The following FAM83G variants were observed in gnomAD, a reference collection of about 807,000 sequenced individuals.
FAM83G encodes the protein scaffolding CK1 anchoring protein G.
FAM83G carries 38 observed loss-of-function variants against 61.5 expected under a neutral mutation model. The ratio of observed to expected loss-of-function variants is 0.62; its 90% CI spans 0.48 to 0.81. The LOEUF (loss-of-function observed/expected upper bound fraction) is 0.81. FAM83G is among the 30% of genes least tolerant of loss of function. The probability of loss-of-function intolerance (pLI) is 0.00; values close to 1 mark genes in which losing one functional copy is unlikely to be tolerated. For missense variants in FAM83G, 989 were observed against 1,133.6 expected, an observed-to-expected ratio of 0.87 and a Z score of 1.83; for synonymous variants, 470 against 476.1, an observed-to-expected ratio of 0.99 and a Z score of 0.17.
rs144451471 is a variant in FAM83G at position 18,982,399 on chromosome 17, G to A, written c.691-2726C>T. 2.5e-3 allele frequency among the ~76,000 whole-genome samples: 375 copies of A among 152,350 alleles called. 2 individuals are homozygous for A. The highest frequency in any genetic ancestry group is 8.2e-3 in the African/African-American group (343 of 41,580). ...GTCTCAAGACTCTGGGCTCGTGTGC[G>A]CAGAGGTGGAGGATCCCACAAAGCT... On this transcript the variant is annotated intron_variant, in intron 3 of 5. Coordinates refer to ENST00000388995, the MANE Select transcript of FAM83G (RefSeq NM_001039999.3).
Position 19,004,115 on chromosome 17 carries a change from G to A in FAM83G, c.-74C>T. 6 of 1,441,230 alleles carry A rather than the reference G, an allele frequency of 4.2e-6. No individual in the cohort carries two copies. The highest frequency in any genetic ancestry group is 5.6e-6 in the Non-Finnish European group (6 of 1,071,352). The allele number at this position is 1,441,230 out of a possible 1,614,324, so 89.3% of individuals were successfully genotyped here. ...AGCTCCTAGCTCCGGCCCAGCTGGG[G>A]CACCGCGCGCTCGGGGGCCTCTCCG... is the stretch of plus-strand genomic sequence containing the variant. On this transcript the variant is annotated 5_prime_UTR_variant, in exon 2 of 6. Transcript: ENST00000388995. This position sits in a 1 kb window ranked among gnomAD's most constrained non-coding sequence, Gnocchi z 5.4.
Position 18,970,568 on chromosome 17 carries a change from A to C in FAM83G, c.*791T>G. The C allele has an allele frequency of 5.3e-6, 1 of 188,096 alleles. No individual in the cohort carries two copies. The highest frequency in any genetic ancestry group is 1.1e-4 in the South Asian group (1 of 9,092). 11.7% of individuals were successfully genotyped at this position (188,096 alleles called of 1,614,324 possible). A position where few individuals can be genotyped will look rare whatever the true frequency, so the allele number is the denominator to read the frequency against. Reference sequence around the variant, plus strand: ...GGCCACATCACCACCAGCCACTCTCAGCTCTGCTAAAATCACACCCTTCAG... The same window carrying C: ...GGCCACATCACCACCAGCCACTCTCCGCTCTGCTAAAATCACACCCTTCAG... On this transcript the variant is annotated 3_prime_UTR_variant, in exon 6 of 6. Coordinates refer to ENST00000388995, the MANE Select transcript of FAM83G (RefSeq NM_001039999.3).
At chr17:18,983,225 G>A (rs1445419780) in intron 3 of FAM83G, among the ~76,000 whole-genome samples, 4 of 152,234 alleles carry the variant, frequency 2.6e-5, no homozygotes, top group Non-Finnish European at 4.4e-5. Context: ...CCTCCTCAGG[G>A]CCCTGCTGGC....
chr17:18,977,680 G>T lies in FAM83G; in HGVS notation c.1986C>A (p.Pro662=). The T allele has an allele frequency of 6.2e-7, 1 of 1,610,524 alleles. No homozygotes were observed. Among genetic ancestry groups the T allele is most frequent in the Non-Finnish European group, 8.5e-7 (1 of 1,179,862 alleles). Residue 662 remains proline, a synonymous_variant, in exon 5 of 6, where the codon CCC becomes CCA. Transcript: ENST00000388995. ...TCTGGGCCCATGGGGAGCCACCCTGGGGTCCAACAAAGGTCCCTCGGGTTA... is the reference window on the plus strand; with the variant it reads ...TCTGGGCCCATGGGGAGCCACCCTGTGGTCCAACAAAGGTCCCTCGGGTTA... ...PHITRGTFVG[P]QGGSPWAQSR... is the part of the protein sequence containing the mutation.
At position 19,003,665 on chromosome 17, in the gene FAM83G, C is replaced by A. The variant is rs1346487933; in HGVS notation, c.377G>T (p.Arg126Leu). The change falls in exon 2 of 6, where the codon CGC (arginine) becomes CTC (leucine). Residue 126 changes from arginine (R) to leucine (L), a missense_variant. Transcript: ENST00000388995. This position sits in a 1 kb window ranked among gnomAD's most constrained non-coding sequence, Gnocchi z 4.5. The stretch of plus-strand genomic sequence containing the variant: ...GCCCAGGTCCAGCTGCGGGATGGAG[C>A]GGTCCGACTTCTGGGGCCAGTACTC... The part of the protein sequence containing the change: ...SLEYWPQKSD[R>L]SIPQLDLGWP... 2 of 1,611,492 alleles carry A rather than the reference C, an allele frequency of 1.2e-6. No individual in the cohort carries two copies. Among genetic ancestry groups the A allele is most frequent in the East Asian group, 2.2e-5 (1 of 44,854 alleles).
Position 18,976,975 on chromosome 17 carries a change from G to T in FAM83G, c.2082+609C>A, listed in dbSNP as rs1046841367. On this transcript the variant is annotated intron_variant, in intron 5 of 5. Coordinates refer to ENST00000388995, the MANE Select transcript of FAM83G (RefSeq NM_001039999.3). Reference sequence around the variant, plus strand: ...ATCATCATGCCGGGCATGATCAGCCGCGCATTGTTCCCAGGTAGGACGGGC... The same window carrying T: ...ATCATCATGCCGGGCATGATCAGCCTCGCATTGTTCCCAGGTAGGACGGGC... 3 of 1,612,674 alleles carry T rather than the reference G, an allele frequency of 1.9e-6. No homozygotes were observed. The highest frequency in any genetic ancestry group is 2.2e-5 in the East Asian group (1 of 44,850).
Position 18,971,922 on chromosome 17 carries a change from C to A in FAM83G, c.2083-174G>T, listed in dbSNP as rs1328641299. On this transcript the variant is annotated intron_variant, in intron 5 of 5. Transcript: ENST00000388995. The surrounding 1 kb of genome is among the most constrained non-coding windows in gnomAD (Gnocchi z 5.5). ...TTTAGTCACTCGATGCCTCAGTTCC[C>A]CTGTCTGTAATATGGGAATAATCCT... Among the ~76,000 whole-genome samples, 1 of 152,220 alleles carries A rather than the reference C, an allele frequency of 6.6e-6. No homozygotes were observed. Among genetic ancestry groups the A allele is most frequent in the African/African-American group, 2.4e-5 (1 of 41,462 alleles).
At chr17:18,988,673 G>A (rs951706104) in intron 2 of FAM83G, among the ~76,000 whole-genome samples, 3 of 152,238 alleles carry the variant, frequency 2.0e-5, no homozygotes, top group Non-Finnish European at 4.4e-5. Context: ...GGCCGGCTAC[G>A]CTCTGCCCTC....
intron 3 of FAM83G, among the ~76,000 whole-genome samples, chr17:18,987,533 C>T (rs907855763): frequency 1.6e-4 from 24 of 152,182 alleles, no homozygotes; most frequent in Non-Finnish European, 3.4e-4. Flanking sequence ...GGCAGAAGAG[C>T]GTTGGACCAA....
At chr17:18,976,897 C>A (rs754854911) in intron 5 of FAM83G, 14 of 1,613,618 alleles carry the variant, frequency 8.7e-6, no homozygotes, top group South Asian at 6.6e-5. Context: ...CTGAACCATG[C>A]CAAGGCGGGC....
At chr17:18,980,486 C>T (rs1012561268) in intron 3 of FAM83G, among the ~76,000 whole-genome samples, 3 of 152,296 alleles carry the variant, frequency 2.0e-5, no homozygotes, top group East Asian at 1.9e-4. Flanking sequence ...AAGGCCAGGT[C>T]GTCACCGGCC....
rs377332589 is a variant in FAM83G, at chr17:19,003,812, C to A, written c.230G>T (p.Gly77Val). ...GCCCGTGCCCCGAGGGTCCTCAGAG[C>A]CCGGGTCGTACACCTCGATGGTCTC... Reference protein sequence around the residue: ...ILETIEVYDPGSEDPRGTGPS... With the variant: ...ILETIEVYDPVSEDPRGTGPS... Residue 77 changes from glycine to valine, a missense_variant, in exon 2 of 6, where the codon GGC (glycine) becomes GTC (valine). Physicochemically the swap from Gly to Val is moderately radical, Grantham distance 109. This residue lies in a region of FAM83G where 371 missense variants were observed against 404.5 expected (regional missense o/e 0.92). Coordinates refer to ENST00000388995, the MANE Select transcript of FAM83G (RefSeq NM_001039999.3). This position sits in a 1 kb window ranked among gnomAD's most constrained non-coding sequence, Gnocchi z 4.5. 1 of 1,612,838 alleles carries A rather than the reference C, an allele frequency of 6.2e-7. No homozygotes were observed.
chr17:18,993,794 G>A (rs1230650726), intron 2 of FAM83G, among the ~76,000 whole-genome samples: 1 of 152,214 alleles, frequency 6.6e-6, no homozygotes, highest in Non-Finnish European at 1.5e-5. Flanking sequence ...CGCTGGCTCC[G>A]ATCTCAGCTC....
At chr17:18,975,828 A>G (rs2042962464) in intron 5 of FAM83G, 1 of 152,188 alleles carries the variant, frequency 6.6e-6, no homozygotes, top group Non-Finnish European at 1.5e-5. Flanking sequence ...ACTAAAAACC[A>G]TGGGAACAGT....
chr17:18,984,013 A>G (rs954284476), intron 3 of FAM83G, among the ~76,000 whole-genome samples: 3 of 152,174 alleles, frequency 2.0e-5, no homozygotes, highest in African/African-American at 7.2e-5. Flanking sequence ...AACAATGCCA[A>G]ATGTCCCTCA....
In FAM83G at chr17:18,971,361, A is replaced by AG. The variant is rs749414732; in HGVS notation, c.2469dup (p.Ter824LeufsTer176). On this transcript the variant is annotated frameshift_variant, in exon 6 of 6. Transcript: ENST00000388995. LOFTEE classifies it high-confidence loss of function. This position sits in a 1 kb window ranked among gnomAD's most constrained non-coding sequence, Gnocchi z 5.5. ...TGGCTCCAGGCTGGGACATGCTGCT[A>AG]GGGGTCTTTGCGGTCCCGGGGGGCT... 2 of 1,558,904 alleles carry AG rather than the reference A, an allele frequency of 1.3e-6. No homozygotes were observed. Among genetic ancestry groups the AG allele is most frequent in the African/African-American group, 3.5e-5 (2 of 57,512 alleles).
At chr17:18,976,956 AT>A (rs761435407) in intron 5 of FAM83G, 2 of 1,613,094 alleles carry the variant, frequency 1.2e-6, no homozygotes, top group Non-Finnish European at 1.7e-6. Context: ...CCTGATCATC[AT>A]GCCGGGCATG....
chr17:19,001,785 T>G (rs1233813981), intron 2 of FAM83G, among the ~76,000 whole-genome samples: 1 of 151,802 alleles, frequency 6.6e-6, no homozygotes, highest in Non-Finnish European at 1.5e-5. Context: ...AGCCCCTATC[T>G]GGCCCATCGC....
In FAM83G at chr17:18,979,631, G is replaced by C. The variant is rs370774339; in HGVS notation, c.733C>G (p.Arg245Gly). The C allele has an allele frequency of 2.5e-6, 4 of 1,613,486 alleles. No individual in the cohort carries two copies. Among genetic ancestry groups the C allele is most frequent in the Non-Finnish European group, 3.4e-6 (4 of 1,179,988 alleles). Residue 245 changes from arginine (R) to glycine (G), a missense_variant, in exon 4 of 6, where the codon CGG becomes GGG. By Grantham distance (125) the Arg-to-Gly change is moderately radical. Coordinates refer to ENST00000388995, the MANE Select transcript of FAM83G (RefSeq NM_001039999.3). Reference protein sequence around the residue: ...RSSGGTEFFTRSATKFKGALA... With the variant: ...RSSGGTEFFTGSATKFKGALA... ...GCACCCTTGAACTTGGTTGCCGACC[G>C]CGTGAAGAACTCAGTTCCCCCGCTG...
Sources: allele counts gnomAD v4.1 joint callset (sites outside exome capture counted in the v4.1 genomes callset), GRCh38; gene constraint gnomAD v4.1.1; regional missense constraint gnomAD v4.1.1; non-coding constraint Gnocchi (gnomAD v3.1); transcripts MANE v1.5; gene names NCBI Gene and HGNC (gene_info 2026-07-23, HGNC 2026-07-21).